Variants in DCDC1 observed in about 807,000 individuals in gnomAD.
DCDC1 encodes doublecortin domain containing 1, also known as doublecortin domain-containing protein 1.
DCDC1 carries 200 observed loss-of-function variants against 178.3 expected under a neutral mutation model. The observed-to-expected ratio is 1.12, with a 90% CI of 1.00 to 1.26. DCDC1 has a LOEUF of 1.26. Ranked by LOEUF, DCDC1 falls within the 50% of genes most tolerant of loss-of-function variation. The pLI, the probability that DCDC1 is intolerant of heterozygous loss-of-function variation, is 0.00. For synonymous variants in DCDC1, 690 were observed against 604.8 expected, an observed-to-expected ratio of 1.14 and a Z score of -2.07; for missense variants, 1,983 against 1,749.2, an observed-to-expected ratio of 1.13 and a Z score of -2.38.
intron 11 of DCDC1, among the ~76,000 whole-genome samples, chr11:31,126,928 G>A (rs767338520): frequency 6.6e-6 from 1 of 152,140 alleles, no homozygotes; most frequent in Non-Finnish European, 1.5e-5. Flanking sequence ...ATCTTGTCCT[G>A]ACAAATAACC....
chr11:31,285,543 CA>C (rs1946759036), intron 7 of DCDC1, among the ~76,000 whole-genome samples: 3 of 152,092 alleles, frequency 2.0e-5, no homozygotes, highest in Non-Finnish European at 4.4e-5. Context: ...GAACATTCTG[CA>C]ATCGTACCAT....
intron 38 of DCDC1, among the ~76,000 whole-genome samples, chr11:30,876,224 A>G (rs528551567): frequency 6.6e-6 from 1 of 152,310 alleles, no homozygotes; most frequent in Non-Finnish European, 1.5e-5. Context: ...TCTGACTTAC[A>G]TATATGAGGC....
intron 20 of DCDC1, among the ~76,000 whole-genome samples, chr11:31,026,736 T>G (rs370540386): frequency 4.3e-4 from 65 of 151,970 alleles, no homozygotes; most frequent in African/African-American, 1.5e-3. Context: ...ATGGAATATT[T>G]TGAATGTTAA....
intron 20 of DCDC1, among the ~76,000 whole-genome samples, chr11:31,002,199 A>G (rs1464710266): frequency 6.6e-6 from 1 of 152,230 alleles, no homozygotes; most frequent in African/African-American, 2.4e-5. Context: ...TTCAGGTAGT[A>G]TAATTTGGGA....
At chr11:31,219,870 T>G (rs994364380) in intron 9 of DCDC1, among the ~76,000 whole-genome samples, 1 of 152,150 alleles carries the variant, frequency 6.6e-6, no homozygotes, top group Admixed American at 6.6e-5. Context: ...ATTAACCTCA[T>G]TTTACAGATA....
intron 20 of DCDC1, among the ~76,000 whole-genome samples, chr11:31,034,250 G>T (rs910451368): frequency 5.3e-5 from 8 of 151,206 alleles, no homozygotes; most frequent in Admixed American, 2.6e-4. Context: ...TTTAAACTGA[G>T]AATTATTATA....
chr11:31,110,204 G>C, intron 12 of DCDC1, 56 bp downstream of exon 12: 1 of 664,722 alleles, frequency 1.5e-6, no homozygotes. Context: ...GTCTAAATTA[G>C]TTGCAAGTAA....
intron 6 of DCDC1, among the ~76,000 whole-genome samples, chr11:31,291,420 C>G (rs146241734): frequency 2.6e-5 from 4 of 152,124 alleles, no homozygotes; most frequent in Admixed American, 2.6e-4. Context: ...AAATGAAAAA[C>G]AGTTTTTCAT....
rs1163121339 is a variant in DCDC1, at chr11:31,098,884, T to G, written c.1983+3293A>C. 2.6e-5 allele frequency among the ~76,000 whole-genome samples: 4 copies of G among 152,230 alleles called. No homozygotes were observed. The South Asian group carries it at 8.3e-4, about 32-fold the overall frequency. ...CTAGCCAGTTTATCAAATTTTTGCT[T>G]TCTTACAGTACTATTTTTGTTGAAC... is the stretch of plus-strand genomic sequence containing the variant. On this transcript the variant is annotated intron_variant, in intron 15 of 38. Coordinates refer to ENST00000684477, the MANE Select transcript of DCDC1 (RefSeq NM_001387274.1).
intron 20 of DCDC1, among the ~76,000 whole-genome samples, chr11:30,996,643 A>T (rs2134983603): frequency 6.6e-6 from 1 of 152,282 alleles, no homozygotes; most frequent in Non-Finnish European, 1.5e-5. Flanking sequence ...GGGATGCAGC[A>T]CCAAGGCACA....
At chr11:31,288,393 C>T (rs1946989749) in intron 7 of DCDC1, among the ~76,000 whole-genome samples, 1 of 151,890 alleles carries the variant, frequency 6.6e-6, no homozygotes, top group Non-Finnish European at 1.5e-5. Flanking sequence ...TTCCGGTATT[C>T]CAGAGTTTAG....
At chr11:30,931,468 A>C (rs542566868) in intron 22 of DCDC1, among the ~76,000 whole-genome samples, 2 of 152,268 alleles carry the variant, frequency 1.3e-5, no homozygotes, top group African/African-American at 4.8e-5. Context: ...CACATTTATA[A>C]AACTCAAACA....
intron 8 of DCDC1, among the ~76,000 whole-genome samples, chr11:31,264,725 T>C (rs745975443): frequency 1.3e-5 from 2 of 152,190 alleles, no homozygotes; most frequent in Non-Finnish European, 2.9e-5. Context: ...AGTGAATTTC[T>C]CTATTGTCAA....
Position 31,073,472 on chromosome 11 carries a change from A to G in DCDC1, c.2298+4393T>C, listed in dbSNP as rs530823256. Among the ~76,000 whole-genome samples, 5 of 152,254 alleles carry G rather than the reference A, an allele frequency of 3.3e-5. No individual in the cohort carries two copies. In the South Asian group the frequency reaches 1.0e-3, roughly 32 times the overall value. ...AAGAGTGAGATTTAGATAAGATGGA[A>G]TTATGTTCTTGGGTAATATGAGTCA... On this transcript the variant is annotated intron_variant, in intron 18 of 38. Transcript: ENST00000684477.
At chr11:31,357,389 G>A (rs7480602) in intron 1 of DCDC1, among the ~76,000 whole-genome samples, 1 of 131,332 alleles carries the variant, frequency 7.6e-6, no homozygotes, top group South Asian at 2.5e-4. Context: ...ATTCAACTAC[G>A]CTTCATGCTA....
At chr11:31,033,802 A>G (rs1296126149) in intron 20 of DCDC1, among the ~76,000 whole-genome samples, 2 of 152,116 alleles carry the variant, frequency 1.3e-5, no homozygotes, top group East Asian at 3.9e-4. Flanking sequence ...GGCCTAGGCT[A>G]ATGTGTGTGT....
chr11:30,915,647 G>T lies in DCDC1; in HGVS notation c.3517C>A (p.Gln1173Lys). 5 of 1,613,954 alleles carry T rather than the reference G, an allele frequency of 3.1e-6. No individual in the cohort carries two copies. The highest frequency in any genetic ancestry group is 1.7e-5 in the Admixed American group (1 of 60,020). Residue 1173 changes from glutamine (Q) to lysine (K), a missense_variant, in exon 27 of 39, where the codon CAG becomes AAG. Transcript: ENST00000684477. ...CHQQFEYRDG[Q>K]IISHAAPQLV... ...TGAGGAGCAGCATGGCTTATAATCT[G>T]CCCATCTCTGTATTCGAACTGCTGA... is the stretch of plus-strand genomic sequence containing the variant.
chr11:31,170,811 T>TTTTTA (rs1247883321), intron 9 of DCDC1, among the ~76,000 whole-genome samples: 13 of 152,120 alleles, frequency 8.5e-5, no homozygotes, highest in South Asian at 4.1e-4. Context: ...AAGATCAGCT[T>TTTTTA]TTTTATTTTA....
intron 20 of DCDC1, among the ~76,000 whole-genome samples, chr11:31,043,212 C>T (rs527516600): frequency 3.5e-4 from 53 of 152,234 alleles, no homozygotes; most frequent in African/African-American, 1.3e-3. Context: ...CTGTCACTGA[C>T]CAAAATTTCC....
Sources: allele counts gnomAD v4.1 joint callset (sites outside exome capture counted in the v4.1 genomes callset), GRCh38; gene constraint gnomAD v4.1.1; transcripts MANE v1.5; gene names NCBI Gene and HGNC (gene_info 2026-07-23, HGNC 2026-07-21).